SATL1: variants seen among roughly 807,000 people sequenced by gnomAD.
The protein encoded by SATL1 is spermidine/spermine N1-acetyl transferase like 1, also known as spermidine/spermine N(1)-acetyltransferase-like protein 1.
SATL1 carries 47 observed loss-of-function variants against 51.8 expected under a neutral mutation model. The observed-to-expected ratio is 0.91, with a 90% CI of 0.72 to 1.16. The LOEUF (loss-of-function observed/expected upper bound fraction) is 1.16, where lower values mean the gene tolerates loss of function less well. Among genes scored for constraint, SATL1 ranks in the 50% most tolerant of loss-of-function variants. SATL1 has a pLI of 0.00. For missense variants in SATL1, 520 were observed against 526.4 expected, an observed-to-expected ratio of 0.99 and a Z score of 0.12; for synonymous variants, 176 against 182.4, an observed-to-expected ratio of 0.97 and a Z score of 0.28.
intron 2 of SATL1, among the ~76,000 whole-genome samples, chrX:85,113,778 T>C (rs1004104819): frequency 5.3e-5 from 6 of 112,176 alleles, no homozygotes; most frequent in Non-Finnish European, 3.8e-5. Flanking sequence ...CTTTGTTCCA[T>C]AAGAAATCTC....
At position 85,154,846 on chromosome X, in the gene SATL1, T is replaced by C. The variant is rs752426409; in HGVS notation, c.-312-45566A>G. Among the ~76,000 whole-genome samples the C allele has an allele frequency of 7.1e-5, 8 of 112,586 alleles. No individual in the cohort carries two copies. In the East Asian group the frequency reaches 2.2e-3, roughly 31 times the overall value. On this transcript the variant is annotated intron_variant, in intron 2 of 7. Transcript: ENST00000644105. Reference sequence around the variant, plus strand: ...GTATGAGGGGTAAATAACAGTATAGTAAAATCTCATAAATTTTATATTGGT... The same window carrying C: ...GTATGAGGGGTAAATAACAGTATAGCAAAATCTCATAAATTTTATATTGGT...
At chrX:85,150,915 A>T (rs1461894209) in intron 2 of SATL1, among the ~76,000 whole-genome samples, 4 of 110,576 alleles carry the variant, frequency 3.6e-5, no homozygotes, top group African/African-American at 1.3e-4. Flanking sequence ...CAAGACAGGG[A>T]TGCCCTCTCT....
chrX:85,099,634 G>C (rs1924837263), intron 4 of SATL1, among the ~76,000 whole-genome samples: 1 of 111,486 alleles, frequency 9.0e-6, no homozygotes, highest in African/African-American at 3.3e-5. Flanking sequence ...ATGAAACAAA[G>C]GGGGAAAAAC....
chrX:85,129,525 C>A lies in SATL1; in HGVS notation c.-312-20245G>T, dbSNP rs763294760. On this transcript the variant is annotated intron_variant, in intron 2 of 7. Coordinates refer to ENST00000644105, the MANE Select transcript of SATL1 (RefSeq NM_001367857.2). ...TCCTGAGACTTTGCTGAAATTGCTT[C>A]TCAGCTTAAGGAGATTTTGGGCTGA... Among the ~76,000 whole-genome samples, 228 of 111,908 alleles carry A rather than the reference C, an allele frequency of 2.0e-3. 3 individuals are homozygous for A. Among genetic ancestry groups the A allele is most frequent in the Non-Finnish European group, 3.4e-3 (179 of 53,148 alleles).
intron 2 of SATL1, among the ~76,000 whole-genome samples, chrX:85,150,504 C>T (rs1272941825): frequency 9.2e-6 from 1 of 109,054 alleles, no homozygotes; most frequent in African/African-American, 3.3e-5. Context: ...CGGGCAGAGA[C>T]ACAACCAAAA....
intron 2 of SATL1, among the ~76,000 whole-genome samples, chrX:85,128,957 A>T (rs769133702): frequency 9.0e-6 from 1 of 111,663 alleles, no homozygotes; most frequent in East Asian, 2.8e-4. Context: ...AGATAGTTGT[A>T]GATGTGTGGT....
intron 2 of SATL1, among the ~76,000 whole-genome samples, chrX:85,158,084 G>A (rs1267240920): frequency 9.0e-6 from 1 of 111,424 alleles, no homozygotes; most frequent in East Asian, 2.8e-4. Context: ...TGACTTCTCA[G>A]AAGCTAAGAC....
chrX:85,107,849 A>T lies in SATL1; in HGVS notation c.1120T>A (p.Ser374Thr). 10 of 1,208,620 alleles carry T rather than the reference A, an allele frequency of 8.3e-6. No individual in the cohort carries two copies. Among genetic ancestry groups the T allele is most frequent in the Non-Finnish European group, 1.1e-5 (10 of 894,750 alleles). ...SSTSQAGTNQ[S>T]GISQPVMWQL... ...CACATCACTGGTTGGCTTATACCTG[A>T]TTGGTTTGTGCCTGCTTGGCTCGTG... The change falls in exon 3 of 8, where the codon TCA (serine) becomes ACA (threonine). Residue 374 changes from serine to threonine, a missense_variant. Ser to Thr is a moderately conservative substitution (Grantham distance 58). This residue lies in a region of SATL1 where 488 missense variants were observed against 474.3 expected (regional missense o/e 1.03). Transcript: ENST00000644105.
At chrX:85,175,315 C>G (rs1441577043) in intron 2 of SATL1, among the ~76,000 whole-genome samples, 2 of 111,409 alleles carry the variant, frequency 1.8e-5, no homozygotes, top group African/African-American at 6.5e-5. Context: ...AAATATTTAC[C>G]TATAAAGAAT....
In SATL1 at chrX:85,094,790, T is replaced by TA. The variant is rs368054738; in HGVS notation, c.1774+125dup. ...ATAAGTACATACCATGCATTTTCTT[T>TA]AAAAAAACTGGGTTTATACACATTC... is the stretch of plus-strand genomic sequence containing the variant. On this transcript the variant is annotated intron_variant, in intron 5 of 7. Coordinates refer to ENST00000644105, the MANE Select transcript of SATL1 (RefSeq NM_001367857.2). 1.9e-3 allele frequency: 878 copies of TA among 460,103 alleles called. 7 individuals are homozygous for TA. The highest frequency in any genetic ancestry group is 0.019 in the African/African-American group (777 of 40,964). 37.9% of individuals were successfully genotyped at this position (460,103 alleles called of 1,213,427 possible).
intron 2 of SATL1, among the ~76,000 whole-genome samples, chrX:85,145,125 G>A: frequency 8.9e-6 from 1 of 111,820 alleles, no homozygotes. Flanking sequence ...TACTAGTAGA[G>A]TGACTATTTA....
intron 6 of SATL1, among the ~76,000 whole-genome samples, chrX:85,093,691 C>T (rs888611554): frequency 4.5e-5 from 5 of 111,123 alleles, no homozygotes; most frequent in Non-Finnish European, 9.4e-5. Context: ...CAACACAGAC[C>T]CTGTTTCTCC....
chrX:85,218,069 C>G (rs952987817), intron 2 of SATL1, among the ~76,000 whole-genome samples: 1 of 110,137 alleles, frequency 9.1e-6, no homozygotes, highest in African/African-American at 3.3e-5. Flanking sequence ...AACAATGAGA[C>G]CTCATGGACA....
At chrX:85,236,297 T>C (rs1228591493) in intron 1 of SATL1, among the ~76,000 whole-genome samples, 2 of 110,762 alleles carry the variant, frequency 1.8e-5, no homozygotes, top group South Asian at 3.7e-4. Context: ...TTCTGAAAAA[T>C]AGAGGAAGAG....
rs767115729 is a variant in SATL1, at chrX:85,182,183, T to G, written c.-313+42022A>C. ...CTACAGTGGTACAGAACACTGGAAA[T>G]TAATCCTTCTATCTAGCTGTAATTT... On this transcript the variant is annotated intron_variant, in intron 2 of 7. Coordinates refer to ENST00000644105, the MANE Select transcript of SATL1 (RefSeq NM_001367857.2). Among the ~76,000 whole-genome samples the G allele has an allele frequency of 2.7e-5, 3 of 111,351 alleles. No homozygotes were observed. In the East Asian group the frequency reaches 8.5e-4, roughly 31 times the overall value.
chrX:85,131,157 T>C (rs1449731129), intron 2 of SATL1, among the ~76,000 whole-genome samples: 2 of 111,905 alleles, frequency 1.8e-5, no homozygotes, highest in Non-Finnish European at 3.8e-5. Context: ...TAGATGTCTA[T>C]TCGGTCTGCT....
Position 85,094,972 on chromosome X carries a change from T to A in SATL1, c.1718A>T (p.Asp573Val). The part of the protein sequence containing the change: ...AADLLRDGFG[D>V]NPLFYCLIAE... ...AATCAGGCAGTAGAAAAGGGGATTG[T>A]CCCCAAAGCCATCTCTGAGTAAATC... is the stretch of plus-strand genomic sequence containing the variant. The change falls in exon 5 of 8, where the codon GAC becomes GTC. Residue 573 changes from aspartate (D) to valine (V), a missense_variant. By Grantham distance (152) the Asp-to-Val change is radical. Transcript: ENST00000644105. 8.6e-7 allele frequency: 1 copy of A among 1,164,417 alleles called. No homozygotes were observed. Among genetic ancestry groups the A allele is most frequent in the Non-Finnish European group, 1.2e-6 (1 of 854,869 alleles).
intron 4 of SATL1, among the ~76,000 whole-genome samples, chrX:85,097,086 T>C (rs1469263372): frequency 9.0e-6 from 1 of 111,695 alleles, no homozygotes; most frequent in African/African-American, 3.3e-5. Flanking sequence ...GGTGGAACTG[T>C]GCAAGTACAC....
intron 2 of SATL1, among the ~76,000 whole-genome samples, chrX:85,121,679 C>T (rs932039696): frequency 7.5e-5 from 8 of 107,119 alleles, no homozygotes; most frequent in African/African-American, 2.7e-4. Context: ...GGTGTCTTGT[C>T]GACCACTCTC....
Sources: gnomAD v4.1 joint callset for allele counts (sites outside exome capture counted in the v4.1 genomes callset) on GRCh38, gnomAD v4.1.1 for gene constraint, gnomAD v4.1.1 regional missense constraint, MANE v1.5 for transcripts, NCBI Gene and HGNC (gene_info 2026-07-23, HGNC 2026-07-21) for gene names.